The following EEPD1 variants were observed in gnomAD, a reference collection of about 807,000 sequenced individuals.
EEPD1 encodes the protein endonuclease/exonuclease/phosphatase family domain-containing protein 1.
In EEPD1, 17 loss-of-function variants were observed where a neutral mutation model predicts 46.3. The ratio of observed to expected loss-of-function variants is 0.37; its 90% CI spans 0.25 to 0.55. The LOEUF is 0.55. Ranked by LOEUF, EEPD1 falls within the 20% of genes least tolerant of loss-of-function variation. The pLI, the probability that EEPD1 is intolerant of heterozygous loss-of-function variation, is 0.83. For synonymous variants in EEPD1, 313 were observed against 315.6 expected, an observed-to-expected ratio of 0.99 and a Z score of 0.09; for missense variants, 673 against 745.6, an observed-to-expected ratio of 0.90 and a Z score of 1.13.
intron 2 of EEPD1, among the ~76,000 whole-genome samples, chr7:36,237,876 G>A (rs1056330441): frequency 1.3e-5 from 2 of 152,158 alleles, no homozygotes; most frequent in East Asian, 1.9e-4. Context: ...GCTTGAACTC[G>A]GGAGGTGAAG....
intron 3 of EEPD1, among the ~76,000 whole-genome samples, chr7:36,260,328 G>A (rs1424583145): frequency 6.6e-6 from 1 of 152,196 alleles, no homozygotes; most frequent in Non-Finnish European, 1.5e-5. Flanking sequence ...ATGTAAGATT[G>A]GTTGACAGTT....
chr7:36,190,428 A>C (rs976203478), intron 2 of EEPD1, among the ~76,000 whole-genome samples: 1 of 152,088 alleles, frequency 6.6e-6, no homozygotes, highest in African/African-American at 2.4e-5. Context: ...GTTTGGGCTG[A>C]CTCTTGATTT....
intron 2 of EEPD1, among the ~76,000 whole-genome samples, chr7:36,196,082 G>T (rs941321440): frequency 1.3e-5 from 2 of 152,062 alleles, no homozygotes; most frequent in Non-Finnish European, 2.9e-5. Flanking sequence ...CTATGGTAAG[G>T]ATTTACCTAT....
intron 2 of EEPD1, among the ~76,000 whole-genome samples, chr7:36,207,116 G>T (rs1785834543): frequency 1.3e-5 from 2 of 152,062 alleles, no homozygotes; most frequent in Non-Finnish European, 2.9e-5. Flanking sequence ...CATTCTTTTG[G>T]CAAAAATTTA....
intron 3 of EEPD1, among the ~76,000 whole-genome samples, chr7:36,263,291 C>T (rs979258349): frequency 6.6e-6 from 1 of 152,100 alleles, no homozygotes; most frequent in Non-Finnish European, 1.5e-5. Flanking sequence ...GTGATTGCAC[C>T]ACTGCACTCT....
At chr7:36,205,443 A>G (rs924825803) in intron 2 of EEPD1, among the ~76,000 whole-genome samples, 1 of 152,220 alleles carries the variant, frequency 6.6e-6, no homozygotes, top group Non-Finnish European at 1.5e-5. Flanking sequence ...CAACGTGATG[A>G]TTTTGCAGTG....
intron 2 of EEPD1, among the ~76,000 whole-genome samples, chr7:36,205,980 G>A (rs1325967164): frequency 1.3e-5 from 2 of 152,166 alleles, no homozygotes; most frequent in South Asian, 2.1e-4. Flanking sequence ...AATTGAGGGC[G>A]CTGTGTCTTC....
In EEPD1 at chr7:36,154,732, T is replaced by TGTTA; in HGVS notation, c.409_412dup (p.Asn138SerfsTer2). ...CCACAGCTGTGCCCCTCACCCCACG[T>TGTTA]GTTAACATCAACACAGCCACCCCGG... On this transcript the variant is annotated frameshift_variant, in exon 2 of 8. Transcript: ENST00000242108. LOFTEE classifies it high-confidence loss of function. The surrounding 1 kb of genome is among the most constrained non-coding windows in gnomAD (Gnocchi z 4.2). 1.2e-6 allele frequency: 2 copies of TGTTA among 1,613,854 alleles called. No homozygotes were observed. Among genetic ancestry groups the TGTTA allele is most frequent in the Non-Finnish European group, 1.7e-6 (2 of 1,179,988 alleles).
At position 36,222,575 on chromosome 7, in the gene EEPD1, C is replaced by T. The variant is rs141090510; in HGVS notation, c.879-16410C>T. ...TGTTTGTTGCAGATCCTTCCTGTCT[C>T]AGTGTTTTTGGAGTACAATAACAAA... On this transcript the variant is annotated intron_variant, in intron 2 of 7. Coordinates refer to ENST00000242108, the MANE Select transcript of EEPD1 (RefSeq NM_030636.3). Among the ~76,000 whole-genome samples the T allele has an allele frequency of 7.5e-3, 1,143 of 152,236 alleles. 7 individuals carry two copies. Among genetic ancestry groups the T allele is most frequent in the African/African-American group, 0.026 (1,071 of 41,530 alleles).
chr7:36,174,903 C>T (rs1490330200), intron 2 of EEPD1, among the ~76,000 whole-genome samples: 2 of 152,202 alleles, frequency 1.3e-5, no homozygotes, highest in Non-Finnish European at 2.9e-5. Flanking sequence ...GAGTGAGGAA[C>T]GATGCCCAAA....
At chr7:36,159,945 G>A (rs774557027) in intron 2 of EEPD1, among the ~76,000 whole-genome samples, 5 of 152,238 alleles carry the variant, frequency 3.3e-5, no homozygotes, top group Non-Finnish European at 7.3e-5. Context: ...GAGTGTTGTG[G>A]ATTTGTAAGA....
chr7:36,258,904 A>AAC (rs1554319775), intron 3 of EEPD1, among the ~76,000 whole-genome samples: 5 of 148,444 alleles, frequency 3.4e-5, no homozygotes, highest in African/African-American at 1.0e-4. Flanking sequence ...AAAAAAAAAA[A>AAC]CTGCAGCTAG....
chr7:36,250,374 G>A (rs1341116046), intron 3 of EEPD1, among the ~76,000 whole-genome samples: 9 of 152,220 alleles, frequency 5.9e-5, no homozygotes, highest in Non-Finnish European at 5.9e-5. Context: ...GGATGGAGGT[G>A]CACAAGGCTA....
Position 36,154,713 on chromosome 7 carries a change from C to G in EEPD1, c.389C>G (p.Ala130Gly). Residue 130 changes from alanine to glycine, a missense_variant, in exon 2 of 8, where the codon GCT (alanine) becomes GGT (glycine). Transcript: ENST00000242108. This position sits in a 1 kb window ranked among gnomAD's most constrained non-coding sequence, Gnocchi z 4.2. Reference sequence around the variant, plus strand: ...CAGCAGCCTCACCACCTGGCCACAGCTGTGCCCCTCACCCCACGTGTTAAC... The same window carrying G: ...CAGCAGCCTCACCACCTGGCCACAGGTGTGCCCCTCACCCCACGTGTTAAC... ...AEQQPHHLATAVPLTPRVNIN... is the reference protein window; with the variant it reads ...AEQQPHHLATGVPLTPRVNIN... 6.2e-7 allele frequency: 1 copy of G among 1,614,012 alleles called. No individual in the cohort carries two copies.
In EEPD1 at chr7:36,195,894, C is replaced by T. The variant is rs887080456; in HGVS notation, c.878+40692C>T. 4.6e-5 allele frequency among the ~76,000 whole-genome samples: 7 copies of T among 152,088 alleles called. No homozygotes were observed. In the East Asian group the frequency reaches 1.2e-3, roughly 25 times the overall value. On this transcript the variant is annotated intron_variant, in intron 2 of 7. Coordinates refer to ENST00000242108, the MANE Select transcript of EEPD1 (RefSeq NM_030636.3). The stretch of plus-strand genomic sequence containing the variant: ...TAGTCATGCCTTAACAACTGGGATA[C>T]GTCCTGAAAAATGTGTCCTTAGGCG...
At chr7:36,167,785 A>C (rs116709213) in intron 2 of EEPD1, among the ~76,000 whole-genome samples, 2,908 of 152,100 alleles carry the variant, frequency 0.019, 106 homozygotes, top group African/African-American at 0.066. Flanking sequence ...GCGCCATCTC[A>C]GCTCAGTGCA....
In EEPD1 at chr7:36,193,001, G is replaced by T. The variant is rs1785485747; in HGVS notation, c.878+37799G>T. ...TTGGTCACTGGAGTGGGGATGCGCAGCGAGGGGCAGCTCAGGGCTGGACTC... is the reference window on the plus strand; with the variant it reads ...TTGGTCACTGGAGTGGGGATGCGCATCGAGGGGCAGCTCAGGGCTGGACTC... On this transcript the variant is annotated intron_variant, in intron 2 of 7. Coordinates refer to ENST00000242108, the MANE Select transcript of EEPD1 (RefSeq NM_030636.3). This position sits in a 1 kb window ranked among gnomAD's most constrained non-coding sequence, Gnocchi z 4.9. Among the ~76,000 whole-genome samples the T allele has an allele frequency of 6.6e-6, 1 of 152,214 alleles. No homozygotes were observed. Among genetic ancestry groups the T allele is most frequent in the African/African-American group, 2.4e-5 (1 of 41,454 alleles).
chr7:36,229,574 CT>C (rs1786285909), intron 2 of EEPD1, among the ~76,000 whole-genome samples: 1 of 152,104 alleles, frequency 6.6e-6, no homozygotes, highest in African/African-American at 2.4e-5. Context: ...GTCATTTCTC[CT>C]CCTTCACTTC....
intron 2 of EEPD1, among the ~76,000 whole-genome samples, chr7:36,219,218 T>C (rs1293254133): frequency 6.6e-6 from 1 of 152,074 alleles, no homozygotes; most frequent in African/African-American, 2.4e-5. Context: ...CTATGAGTCT[T>C]CACCATATAG....
Sources: allele counts gnomAD v4.1 joint callset (sites outside exome capture counted in the v4.1 genomes callset), GRCh38; gene constraint gnomAD v4.1.1; non-coding constraint Gnocchi (gnomAD v3.1); transcripts MANE v1.5; gene names NCBI Gene and HGNC (gene_info 2026-07-23, HGNC 2026-07-21).